Variants in ROBO2 observed in about 807,000 individuals in gnomAD.
ROBO2 encodes roundabout homolog 2.
ROBO2 carries 53 observed loss-of-function variants against 160.8 expected under a neutral mutation model. The observed-to-expected ratio is 0.33, with a 90% CI of 0.26 to 0.41. The LOEUF is 0.41. Among genes scored for constraint, ROBO2 ranks in the 10% least tolerant of loss-of-function variants. ROBO2 has a pLI of 1.00. For missense variants in ROBO2, 1,577 were observed against 1,722.4 expected (o/e 0.92, Z 1.49); for synonymous variants, 664 against 611.7 (o/e 1.09, Z -1.26).
At chr3:77,512,028 C>T (rs542004063) in intron 5 of ROBO2, among the ~76,000 whole-genome samples, 1 of 151,904 alleles carries the variant, frequency 6.6e-6, no homozygotes, top group African/African-American at 2.4e-5. Context: ...TGAACATTAG[C>T]CTGCATTATA....
chr3:77,303,884 ACATTT>A (rs2062869946), intron 2 of ROBO2, among the ~76,000 whole-genome samples: 1 of 152,106 alleles, frequency 6.6e-6, no homozygotes, highest in South Asian at 2.1e-4. Context: ...GGATTACTAA[ACATTT>A]TGAGAAAAAT....
intron 2 of ROBO2, among the ~76,000 whole-genome samples, chr3:76,115,790 G>C (rs564695109): frequency 6.6e-6 from 1 of 151,918 alleles, no homozygotes; most frequent in East Asian, 1.9e-4. Flanking sequence ...TAGCCATATG[G>C]ACATCTTTCT....
intron 2 of ROBO2, among the ~76,000 whole-genome samples, chr3:77,285,437 C>T (rs549608017): frequency 3.6e-4 from 55 of 152,320 alleles, no homozygotes; most frequent in African/African-American, 1.3e-3. Flanking sequence ...CTCTCACTTA[C>T]ACCAATCTTT....
intron 2 of ROBO2, among the ~76,000 whole-genome samples, chr3:76,812,909 ATTTT>A (rs71104626): frequency 5.6e-4 from 59 of 104,656 alleles, no homozygotes; most frequent in African/African-American, 2.0e-3. Context: ...AGAAGTATAA[ATTTT>A]TTTTTTTTTT....
rs1419236401 is a variant in ROBO2, at chr3:75,967,640, C to T, written c.109+30038C>T. On this transcript the variant is annotated intron_variant, in intron 2 of 26. Coordinates refer to the ROBO2 transcript ENST00000487694. Reference sequence around the variant, plus strand: ...AAAAAGTACCCAAGTAGAAATAATACTGTTAGAAGGCATGGAGGAATCTTG... The same window carrying T: ...AAAAAGTACCCAAGTAGAAATAATATTGTTAGAAGGCATGGAGGAATCTTG... 2.6e-5 allele frequency among the ~76,000 whole-genome samples: 4 copies of T among 151,468 alleles called. No individual in the cohort carries two copies. In the Admixed American group the frequency reaches 2.6e-4, roughly 10 times the overall value.
intron 2 of ROBO2, among the ~76,000 whole-genome samples, chr3:76,705,000 T>C (rs983927564): frequency 6.6e-6 from 1 of 151,986 alleles, no homozygotes; most frequent in Admixed American, 6.6e-5. Flanking sequence ...AGTTAGAGAG[T>C]AAATATTTTA....
intron 2 of ROBO2, among the ~76,000 whole-genome samples, chr3:76,189,475 T>C (rs1219640390): frequency 3.9e-5 from 6 of 152,062 alleles, no homozygotes; most frequent in Admixed American, 2.6e-4. Context: ...TCTATTTTGC[T>C]TTTTGTTTCT....
At chr3:77,278,601 C>A (rs1337081355) in intron 2 of ROBO2, among the ~76,000 whole-genome samples, 1 of 152,042 alleles carries the variant, frequency 6.6e-6, no homozygotes, top group Non-Finnish European at 1.5e-5. Context: ...TTTATCCTCA[C>A]AATAAACCTA....
intron 2 of ROBO2, among the ~76,000 whole-genome samples, chr3:76,871,793 C>A (rs1488304977): frequency 6.6e-6 from 1 of 152,080 alleles, no homozygotes; most frequent in East Asian, 1.9e-4. Context: ...GCTAATGTGA[C>A]AACAGTAGAA....
chr3:77,631,657 A>T (rs2095166294), intron 23 of ROBO2: 1 of 152,100 alleles, frequency 6.6e-6, no homozygotes. Context: ...ATTAAGAAAA[A>T]ATGTTTCTGA....
intron 1 of ROBO2, among the ~76,000 whole-genome samples, chr3:77,095,537 G>A (rs943666226): frequency 6.6e-6 from 1 of 152,116 alleles, no homozygotes; most frequent in African/African-American, 2.4e-5. Context: ...CAGTTTTGCA[G>A]TAGGGAGAAT....
intron 2 of ROBO2, among the ~76,000 whole-genome samples, chr3:76,713,888 G>A (rs965456168): frequency 1.3e-5 from 2 of 151,906 alleles, no homozygotes; most frequent in Non-Finnish European, 2.9e-5. Flanking sequence ...AAAAAAACAT[G>A]CTGGACTGCA....
chr3:77,295,139 A>T (rs1222313404), intron 2 of ROBO2, among the ~76,000 whole-genome samples: 1 of 150,790 alleles, frequency 6.6e-6, no homozygotes, highest in African/African-American at 2.5e-5. Flanking sequence ...CCCCAGATAT[A>T]AAGTAAAATT....
intron 5 of ROBO2, among the ~76,000 whole-genome samples, chr3:77,496,484 G>A (rs111523611): frequency 0.018 from 2,707 of 152,222 alleles, 75 homozygotes; most frequent in African/African-American, 0.059. Context: ...TTAGCCAACC[G>A]TAGACTAAAT....
intron 2 of ROBO2, among the ~76,000 whole-genome samples, chr3:77,426,001 G>T (rs1442285992): frequency 1.3e-5 from 2 of 152,048 alleles, no homozygotes; most frequent in Admixed American, 1.3e-4. Context: ...AACCATGAAA[G>T]AATTTAAAGC....
chr3:77,226,611 T>C (rs62253277), intron 2 of ROBO2, among the ~76,000 whole-genome samples: 4,256 of 152,212 alleles, frequency 0.028, 66 homozygotes, highest in Middle Eastern at 0.054. Flanking sequence ...CCTTGACTTA[T>C]GATGGGGTTA....
intron 2 of ROBO2, among the ~76,000 whole-genome samples, chr3:76,211,956 G>C (rs1703173745): frequency 6.6e-6 from 1 of 151,812 alleles, no homozygotes; most frequent in Non-Finnish European, 1.5e-5. Context: ...TACAATTGAG[G>C]TTAATTAATA....
At chr3:77,529,190 T>C (rs559040430) in intron 6 of ROBO2, among the ~76,000 whole-genome samples, 1 of 151,062 alleles carries the variant, frequency 6.6e-6, no homozygotes, top group South Asian at 2.1e-4. Context: ...ATGATATAGA[T>C]TATATATAAA....
chr3:76,648,138 T>C lies in ROBO2; in HGVS notation c.110-449876T>C, dbSNP rs149616756. On this transcript the variant is annotated intron_variant, in intron 2 of 26. Transcript: ENST00000487694. ...ATTAGTGTACATTGTTGCTTATTTCTATAACACATAGTAATCTATTAAAAT... is the reference window on the plus strand; with the variant it reads ...ATTAGTGTACATTGTTGCTTATTTCCATAACACATAGTAATCTATTAAAAT... 2.7e-3 allele frequency among the ~76,000 whole-genome samples: 412 copies of C among 152,296 alleles called. 2 individuals carry two copies. Among genetic ancestry groups the C allele is most frequent in the African/African-American group, 9.5e-3 (396 of 41,582 alleles).
Sources: gnomAD v4.1 joint callset for allele counts (sites outside exome capture counted in the v4.1 genomes callset) on GRCh38, gnomAD v4.1.1 for gene constraint, MANE v1.5 for transcripts, NCBI Gene and HGNC (gene_info 2026-07-23, HGNC 2026-07-21) for gene names.